Variants in SAMD5 observed in about 807,000 individuals in gnomAD.
SAMD5 encodes sterile alpha motif domain containing 5, also known as sterile alpha motif domain-containing protein 5.
Under a neutral mutation model 11.3 loss-of-function variants are expected in SAMD5, and 13 were observed. That is an observed-to-expected ratio of 1.15 (90% CI 0.75 to 1.83). SAMD5 has a LOEUF of 1.83. SAMD5 is among the 40% of genes most tolerant of loss of function. The pLI is 0.00. For missense variants in SAMD5, 255 were observed against 239.1 expected (o/e 1.07, Z -0.44); for synonymous variants, 129 against 111.3 (o/e 1.16, Z -1.00).
chr6:147,513,726 T>C (rs1458741686), intron 1 of SAMD5, among the ~76,000 whole-genome samples: 1 of 151,898 alleles, frequency 6.6e-6, no homozygotes, highest in African/African-American at 2.4e-5. Context: ...TGTGGAGAGA[T>C]TGACAAGGGT....
the SAMD5 span, among the ~76,000 whole-genome samples, chr6:147,813,343 G>T: frequency 6.6e-6 from 1 of 152,194 alleles, no homozygotes; most frequent in Admixed American, 6.5e-5. Flanking sequence ...ACTGCAAACA[G>T]TTTAATTCTA....
At chr6:147,590,994 G>A (rs1219609494) in intron 1 of SAMD5, among the ~76,000 whole-genome samples, 1 of 152,150 alleles carries the variant, frequency 6.6e-6, no homozygotes, top group Non-Finnish European at 1.5e-5. Context: ...ATAACTTTAT[G>A]TGACTTTTTC....
At chr6:147,942,562 G>T in the SAMD5 span, among the ~76,000 whole-genome samples, 1 of 152,184 alleles carries the variant, frequency 6.6e-6, no homozygotes. Flanking sequence ...AACTACTGAA[G>T]AGGTCAGAGT....
downstream of SAMD5, among the ~76,000 whole-genome samples, chr6:147,570,415 T>G (rs987408219): frequency 3.3e-5 from 5 of 152,178 alleles, no homozygotes; most frequent in Non-Finnish European, 7.3e-5. Context: ...CTCTATCACC[T>G]GAAATGTGTT....
the SAMD5 span, among the ~76,000 whole-genome samples, chr6:147,930,994 C>A: frequency 1.3e-5 from 2 of 152,254 alleles, no homozygotes; most frequent in Middle Eastern, 3.4e-3. Context: ...CAATTCCAGC[C>A]CTCTAGGCAT....
At chr6:147,795,335 G>T in the SAMD5 span, among the ~76,000 whole-genome samples, 1,640 of 141,736 alleles carry the variant, frequency 0.012, 17 homozygotes, top group Middle Eastern at 0.043. Flanking sequence ...TTGTCCTGGC[G>T]ATAGTTTACT....
At chr6:147,584,244 C>T (rs561729205) in intron 1 of SAMD5, among the ~76,000 whole-genome samples, 1 of 152,110 alleles carries the variant, frequency 6.6e-6, no homozygotes, top group Non-Finnish European at 1.5e-5. Context: ...CTAAGCATTT[C>T]GTAGACTGTG....
chr6:147,739,743 G>A (rs1791852458), downstream of SAMD5, among the ~76,000 whole-genome samples: 1 of 152,094 alleles, frequency 6.6e-6, no homozygotes, highest in South Asian at 2.1e-4. Flanking sequence ...AGTTATTTAT[G>A]TTTGTTATTC....
At chr6:147,609,822 C>T (rs1789756138) in intron 1 of SAMD5, among the ~76,000 whole-genome samples, 1 of 152,134 alleles carries the variant, frequency 6.6e-6, no homozygotes, top group African/African-American at 2.4e-5. Context: ...TCCCAAAGTG[C>T]TGGGATTATA....
At chr6:147,777,865 A>T in the SAMD5 span, among the ~76,000 whole-genome samples, 17 of 152,308 alleles carry the variant, frequency 1.1e-4, no homozygotes, top group East Asian at 3.3e-3. Flanking sequence ...TATGGCTGAA[A>T]ATATTCCATT....
At chr6:147,746,008 C>T in the SAMD5 span, among the ~76,000 whole-genome samples, 1 of 152,172 alleles carries the variant, frequency 6.6e-6, no homozygotes, top group African/African-American at 2.4e-5. Context: ...TCCCAGGGTG[C>T]TGGGATTACA....
intron 1 of SAMD5, among the ~76,000 whole-genome samples, chr6:147,549,470 G>T (rs1004360384): frequency 6.6e-6 from 1 of 152,200 alleles, no homozygotes. Flanking sequence ...GTAATGGAAG[G>T]TGATGGATAA....
chr6:147,641,370 G>A (rs868440515), intron 1 of SAMD5, among the ~76,000 whole-genome samples: 10 of 152,134 alleles, frequency 6.6e-5, no homozygotes, highest in Admixed American at 6.5e-5. Flanking sequence ...TGAAGTCAAA[G>A]GACCCTCATC....
At chr6:147,596,836 T>G (rs1434430090) in intron 1 of SAMD5, among the ~76,000 whole-genome samples, 1 of 152,244 alleles carries the variant, frequency 6.6e-6, no homozygotes. Flanking sequence ...GGTTTGATTC[T>G]ATTTGGAAAA....
chr6:147,797,558 G>A, the SAMD5 span, among the ~76,000 whole-genome samples: 3 of 92,584 alleles, frequency 3.2e-5, no homozygotes, highest in Non-Finnish European at 5.9e-5. Flanking sequence ...GCCCGGCTTT[G>A]GTATCAGAAT....
the SAMD5 span, among the ~76,000 whole-genome samples, chr6:147,916,569 A>G: frequency 6.6e-6 from 1 of 151,820 alleles, no homozygotes; most frequent in East Asian, 1.9e-4. Context: ...TTTTATTATT[A>G]TTATACTTTA....
At chr6:147,687,505 C>G (rs1220133172) in intron 1 of SAMD5, among the ~76,000 whole-genome samples, 1 of 151,992 alleles carries the variant, frequency 6.6e-6, no homozygotes, top group East Asian at 1.9e-4. Flanking sequence ...CTCCTGGGCT[C>G]AAGCAATCTG....
At chr6:147,575,263 G>T (rs1378066446) in intron 1 of SAMD5, among the ~76,000 whole-genome samples, 1 of 152,220 alleles carries the variant, frequency 6.6e-6, no homozygotes, top group African/African-American at 2.4e-5. Flanking sequence ...GCACTTCAGA[G>T]AGCCCCTCTG....
chr6:147,874,967 T>C, the SAMD5 span, among the ~76,000 whole-genome samples: 1 of 152,070 alleles, frequency 6.6e-6, no homozygotes, highest in East Asian at 1.9e-4. Context: ...AATGCCCAAA[T>C]GGTAAGAGAG....
Sources: gnomAD v4.1 joint callset for allele counts (sites outside exome capture counted in the v4.1 genomes callset) on GRCh38, gnomAD v4.1.1 for gene constraint, MANE v1.5 for transcripts, NCBI Gene and HGNC (gene_info 2026-07-23, HGNC 2026-07-21) for gene names.